Variants in ANK2 observed in about 807,000 individuals in gnomAD.
ANK2 encodes ankyrin-2.
ANK2 carries 83 observed loss-of-function variants against 360.5 expected under a neutral mutation model. That is an observed-to-expected ratio of 0.23 (90% CI 0.19 to 0.28). ANK2 has a LOEUF of 0.28. Among genes scored for constraint, ANK2 ranks in the 10% least tolerant of loss-of-function variants. The pLI, the probability that ANK2 is intolerant of heterozygous loss-of-function variation, is 1.00. For missense variants in ANK2, 4,201 were observed against 4,795.7 expected, an observed-to-expected ratio of 0.88 and a Z score of 3.66; for synonymous variants, 1,740 against 1,759.5, an observed-to-expected ratio of 0.99 and a Z score of 0.28.
Position 113,240,478 on chromosome 4 carries a change from T to C in ANK2, c.694-7T>C. On this transcript the variant is annotated splice_polypyrimidine_tract_variant and splice_region_variant and intron_variant, in intron 7 of 45. Transcript: ENST00000357077. ...CTATACTGACTGTCATATCTTTGCT[T>C]TCATAGAGTGGTTTTACCCCTTTGC... 6.2e-7 allele frequency: 1 copy of C among 1,609,214 alleles called. No individual in the cohort carries two copies. The highest frequency in any genetic ancestry group is 8.5e-7 in the Non-Finnish European group (1 of 1,175,598).
chr4:112,988,203 A>G (rs1310825957), intron 2 of ANK2, among the ~76,000 whole-genome samples: 1 of 152,238 alleles, frequency 6.6e-6, no homozygotes, highest in Non-Finnish European at 1.5e-5. Flanking sequence ...AGCATCTACT[A>G]TTCCAGCAAC....
upstream of ANK2, among the ~76,000 whole-genome samples, chr4:112,815,587 T>C (rs947018684): frequency 1.2e-4 from 19 of 152,194 alleles, no homozygotes; most frequent in Non-Finnish European, 4.4e-5. Context: ...AGCTTCAGGA[T>C]GGGAACTCTT....
intron 1 of ANK2, among the ~76,000 whole-genome samples, chr4:113,056,485 G>T (rs1157695669): frequency 6.6e-6 from 1 of 152,038 alleles, no homozygotes; most frequent in Non-Finnish European, 1.5e-5. Flanking sequence ...TGTCTTGCTT[G>T]TACTCTGTTC....
At chr4:113,018,522 C>T (rs2057245612) in intron 2 of ANK2, among the ~76,000 whole-genome samples, 1 of 152,050 alleles carries the variant, frequency 6.6e-6, no homozygotes, top group Non-Finnish European at 1.5e-5. Context: ...AGAGTTTAGA[C>T]TTAAGGTTAG....
upstream of ANK2, among the ~76,000 whole-genome samples, chr4:112,817,245 C>T (rs2055738879): frequency 6.6e-6 from 1 of 152,114 alleles, no homozygotes; most frequent in Non-Finnish European, 1.5e-5. Context: ...AGACACAGAA[C>T]ATTTTATAAG....
intron 1 of ANK2, among the ~76,000 whole-genome samples, chr4:112,842,947 G>A (rs1165412165): frequency 6.6e-6 from 1 of 152,208 alleles, no homozygotes; most frequent in Non-Finnish European, 1.5e-5. Context: ...GGGAGAATCT[G>A]TTTTCTTTCC....
intron 4 of ANK2, chr4:113,213,947 T>TTTTA: frequency 1.9e-6 from 1 of 525,094 alleles, no homozygotes; most frequent in African/African-American, 5.3e-5. Flanking sequence ...CAAAATGCTG[T>TTTTA]TTTATTTATT....
At chr4:113,255,410 A>G (rs1474484458) in intron 10 of ANK2, among the ~76,000 whole-genome samples, 4 of 152,216 alleles carry the variant, frequency 2.6e-5, no homozygotes. Flanking sequence ...GATACAAATA[A>G]CTGAAGCATT....
intron 26 of ANK2, among the ~76,000 whole-genome samples, chr4:113,329,374 C>CT (rs971589188): frequency 7.8e-4 from 119 of 152,286 alleles, no homozygotes; most frequent in African/African-American, 2.7e-3. Context: ...TATAGTTCTC[C>CT]TTTTTCATGA....
chr4:113,269,264 C>G (rs2057526935), intron 14 of ANK2, among the ~76,000 whole-genome samples: 1 of 152,206 alleles, frequency 6.6e-6, no homozygotes, highest in Non-Finnish European at 1.5e-5. Flanking sequence ...GGCTTCAGCC[C>G]CCTTTCCAGG....
intron 5 of ANK2, among the ~76,000 whole-genome samples, chr4:113,232,469 T>C (rs569169732): frequency 1.3e-5 from 2 of 152,358 alleles, no homozygotes; most frequent in East Asian, 3.9e-4. Flanking sequence ...TTCGTGTCTA[T>C]TTATTCTTAC....
intron 1 of ANK2, among the ~76,000 whole-genome samples, chr4:113,143,374 T>C (rs2096714318): frequency 1.4e-5 from 1 of 69,472 alleles, no homozygotes; most frequent in African/African-American, 6.0e-5. Flanking sequence ...CACAGCAAAA[T>C]TATTCATCTA....
intron 1 of ANK2, among the ~76,000 whole-genome samples, chr4:112,881,354 T>G (rs2076646401): frequency 6.6e-6 from 1 of 152,194 alleles, no homozygotes; most frequent in African/African-American, 2.4e-5. Flanking sequence ...GGAGATCGCT[T>G]GAGCCCAGGA....
intron 1 of ANK2, among the ~76,000 whole-genome samples, chr4:112,874,326 G>A (rs926080427): frequency 1.3e-5 from 2 of 148,812 alleles, no homozygotes; most frequent in South Asian, 2.1e-4. Flanking sequence ...CAGGTAATCC[G>A]ATCGCCTCAG....
chr4:113,327,571 G>A lies in ANK2; in HGVS notation c.2901-2675G>A, dbSNP rs529022609. 7.9e-5 allele frequency among the ~76,000 whole-genome samples: 12 copies of A among 152,274 alleles called. No homozygotes were observed. The South Asian group carries it at 2.5e-3, about 32-fold the overall frequency. The stretch of plus-strand genomic sequence containing the variant: ...TTCAACAGTTATTTATTGACTGCCT[G>A]CTAAGTGCTCCATCCACACTGTGCC... On this transcript the variant is annotated intron_variant, in intron 26 of 45. Transcript: ENST00000357077.
chr4:113,181,792 A>G (rs1334058674), intron 2 of ANK2, among the ~76,000 whole-genome samples: 1 of 152,158 alleles, frequency 6.6e-6, no homozygotes, highest in East Asian at 1.9e-4. Context: ...CAAGGAAGCA[A>G]GCCTGCCTGG....
chr4:113,180,691 A>G (rs949049159), intron 2 of ANK2, among the ~76,000 whole-genome samples: 1 of 152,208 alleles, frequency 6.6e-6, no homozygotes, highest in African/African-American at 2.4e-5. Context: ...AAACAATTCT[A>G]TTAGCCTGGG....
rs576743315 is a variant in ANK2 at position 112,885,126 on chromosome 4, T to C, written c.-39-19329T>C. ...GGGTTTTTGGTCTCAATACTTGCCC[T>C]TTTTTTCTCTGTCTTCACTTAATCT... On this transcript the variant is annotated intron_variant, in intron 1 of 30. Transcript: ENST00000503271. 2.6e-5 allele frequency among the ~76,000 whole-genome samples: 4 copies of C among 152,314 alleles called. No homozygotes were observed. The East Asian group carries it at 7.7e-4, about 29-fold the overall frequency.
At chr4:112,815,798 C>T (rs927431791), upstream of ANK2, among the ~76,000 whole-genome samples, 3 of 152,214 alleles carry the variant, frequency 2.0e-5, no homozygotes, top group Admixed American at 6.5e-5. Flanking sequence ...AATGTATCCA[C>T]ATGTTGGGAC....
Sources: gnomAD v4.1 joint callset for allele counts (sites outside exome capture counted in the v4.1 genomes callset) on GRCh38, gnomAD v4.1.1 for gene constraint, MANE v1.5 for transcripts, NCBI Gene and HGNC (gene_info 2026-07-23, HGNC 2026-07-21) for gene names.